KITLG: variants seen among roughly 807,000 people sequenced by gnomAD.
KITLG encodes c-Kit ligand.
In KITLG, 13 loss-of-function variants were observed where a neutral mutation model predicts 34.1. That is an observed-to-expected ratio of 0.38 (90% CI 0.25 to 0.61). The LOEUF (loss-of-function observed/expected upper bound fraction) is 0.61, where lower values mean the gene tolerates loss of function less well. Among genes scored for constraint, KITLG ranks in the 20% least tolerant of loss-of-function variants. The pLI is 0.60. For synonymous variants in KITLG, 110 were observed against 104.0 expected (o/e 1.06, Z -0.35); for missense variants, 292 against 318.9 (o/e 0.92, Z 0.64).
chr12:88,531,285 C>T (rs188653596), intron 3 of KITLG, among the ~76,000 whole-genome samples: 4 of 152,238 alleles, frequency 2.6e-5, no homozygotes, highest in Middle Eastern at 3.4e-3. Context: ...TGAAAGCACA[C>T]ATTGGAATGA....
At chr12:88,569,235 G>A (rs1224137875) in intron 1 of KITLG, among the ~76,000 whole-genome samples, 2 of 152,086 alleles carry the variant, frequency 1.3e-5, no homozygotes, top group Non-Finnish European at 2.9e-5. Flanking sequence ...GCGATCTTGG[G>A]CACATGATAG....
rs1222939747 is a variant in KITLG, at chr12:88,518,762, T to C, written c.298A>G (p.Ile100Val). Residue 100 changes from isoleucine (I) to valine (V), a missense_variant, in exon 4 of 10, where the codon ATC becomes GTC. Physicochemically the swap from Ile to Val is conservative, Grantham distance 29 (BLOSUM62 3). Transcript: ENST00000644744. The stretch of plus-strand genomic sequence containing the variant: ...ACTATATTCACAAGTTTGTCTATGA[T>C]GGAATAATTACTCAAGCCTTCAGAA... Reference protein sequence around the residue: ...NISEGLSNYSIIDKLVNIVDD... With the variant: ...NISEGLSNYSVIDKLVNIVDD... 1.9e-6 allele frequency: 3 copies of C among 1,613,516 alleles called. No individual in the cohort carries two copies. The highest frequency in any genetic ancestry group is 1.7e-4 in the Middle Eastern group (1 of 6,058).
At chr12:88,532,633 C>T (rs1354637330) in intron 2 of KITLG, 130 bp from the exon 3 acceptor site, 5 of 657,384 alleles carry the variant, frequency 7.6e-6, no homozygotes, top group South Asian at 1.9e-5. Context: ...TCAATATTTA[C>T]ATGTATATTG....
At chr12:88,524,590 ATT>A (rs1308473411) in intron 3 of KITLG, among the ~76,000 whole-genome samples, 2 of 151,712 alleles carry the variant, frequency 1.3e-5, no homozygotes, top group African/African-American at 2.4e-5. Flanking sequence ...GCTCGTTTTT[ATT>A]TATTTTTTTT....
intron 3 of KITLG, among the ~76,000 whole-genome samples, chr12:88,524,173 T>C (rs1174421251): frequency 6.6e-6 from 1 of 152,214 alleles, no homozygotes; most frequent in Non-Finnish European, 1.5e-5. Context: ...CTGGCCAATA[T>C]GGGAATCCCA....
intron 2 of KITLG, among the ~76,000 whole-genome samples, chr12:88,536,835 GT>G (rs1483847222): frequency 6.6e-6 from 1 of 152,102 alleles, no homozygotes; most frequent in Non-Finnish European, 1.5e-5. Flanking sequence ...GGCCTGTTGG[GT>G]ATTGGGGGGC....
At chr12:88,546,226 A>T (rs1870715896) in intron 1 of KITLG, among the ~76,000 whole-genome samples, 1 of 152,196 alleles carries the variant, frequency 6.6e-6, no homozygotes, top group South Asian at 2.1e-4. Flanking sequence ...TGGCACCAAA[A>T]GAAACATCTT....
rs1869689443 is a variant in KITLG, at chr12:88,522,099, A to G, written c.193-3232T>C. 2.6e-5 allele frequency among the ~76,000 whole-genome samples: 4 copies of G among 152,194 alleles called. No homozygotes were observed. In the South Asian group the frequency reaches 8.3e-4, roughly 31 times the overall value. ...AAATATATAATTTAAAATGAATAAA[A>G]TTAAAAGTATTCTAAACATAACTAG... On this transcript the variant is annotated intron_variant, in intron 3 of 9. Transcript: ENST00000644744.
intron 6 of KITLG, 43 bp from the exon 7 acceptor site, chr12:88,507,180 C>A (rs745589487): frequency 8.0e-7 from 1 of 1,248,158 alleles, no homozygotes; most frequent in East Asian, 2.3e-5. Flanking sequence ...CATATCCATT[C>A]TAGAAGTTTT....
chr12:88,579,302 G>C (rs1028948262), intron 1 of KITLG, among the ~76,000 whole-genome samples: 2 of 152,212 alleles, frequency 1.3e-5, no homozygotes, highest in Non-Finnish European at 2.9e-5. Flanking sequence ...AGAACCTCTG[G>C]GGGGTGAAAG....
At chr12:88,520,590 A>G (rs1869621720) in intron 3 of KITLG, among the ~76,000 whole-genome samples, 1 of 152,178 alleles carries the variant, frequency 6.6e-6, no homozygotes, top group South Asian at 2.1e-4. Context: ...GGCAAGTAAG[A>G]ACCAAAATCA....
At chr12:88,567,704 T>A in intron 1 of KITLG, among the ~76,000 whole-genome samples, 1 of 152,218 alleles carries the variant, frequency 6.6e-6, no homozygotes. Flanking sequence ...CAAAACTGCA[T>A]TTTATTTGAA....
rs932135480 is a variant in KITLG, at chr12:88,567,814, A to T, written c.15+12450T>A. On this transcript the variant is annotated intron_variant, in intron 1 of 9. Transcript: ENST00000644744. ...ACAGTCACCTTAGGACTTAGACACTATTATAAACCTCATTTTACAAGTGAG... is the reference window on the plus strand; with the variant it reads ...ACAGTCACCTTAGGACTTAGACACTTTTATAAACCTCATTTTACAAGTGAG... 2.0e-5 allele frequency among the ~76,000 whole-genome samples: 3 copies of T among 152,152 alleles called. No homozygotes were observed. In the East Asian group the frequency reaches 5.8e-4, roughly 29 times the overall value.
intron 3 of KITLG, among the ~76,000 whole-genome samples, chr12:88,528,176 T>G (rs1286033531): frequency 6.6e-6 from 1 of 152,218 alleles, no homozygotes; most frequent in Non-Finnish European, 1.5e-5. Flanking sequence ...TCAGAGGCCA[T>G]GTGCGTTCCT....
chr12:88,518,114 A>G (rs1869518575), intron 4 of KITLG, among the ~76,000 whole-genome samples: 1 of 152,150 alleles, frequency 6.6e-6, no homozygotes, highest in Admixed American at 6.6e-5. Flanking sequence ...CATTTTAAAG[A>G]TAAAGAAAGT....
At chr12:88,566,846 T>C (rs1871458238) in intron 1 of KITLG, among the ~76,000 whole-genome samples, 1 of 152,094 alleles carries the variant, frequency 6.6e-6, no homozygotes, top group African/African-American at 2.4e-5. Flanking sequence ...ACCTTTAAAA[T>C]TATAGGATCT....
At chr12:88,546,121 A>C (rs1870712156) in intron 1 of KITLG, 2 of 546,412 alleles carry the variant, frequency 3.7e-6, no homozygotes, top group Non-Finnish European at 6.8e-6. Flanking sequence ...CCAATTTCCC[A>C]ATGGCAATTA....
At chr12:88,530,707 C>T (rs1322367015) in intron 3 of KITLG, among the ~76,000 whole-genome samples, 1 of 152,014 alleles carries the variant, frequency 6.6e-6, no homozygotes, top group African/African-American at 2.4e-5. Context: ...CCCCCTAACT[C>T]AATAGGATAG....
At chr12:88,520,552 T>C (rs974298955) in intron 3 of KITLG, among the ~76,000 whole-genome samples, 3 of 152,230 alleles carry the variant, frequency 2.0e-5, no homozygotes, top group African/African-American at 7.2e-5. Flanking sequence ...ATTTCCTCAC[T>C]TTATGAGTAT....
Sources: allele counts gnomAD v4.1 joint callset (sites outside exome capture counted in the v4.1 genomes callset), GRCh38; gene constraint gnomAD v4.1.1; transcripts MANE v1.5; gene names NCBI Gene and HGNC (gene_info 2026-07-23, HGNC 2026-07-21).